The following NT5DC3 variants were observed in gnomAD, a reference collection of about 807,000 sequenced individuals.
NT5DC3 encodes the protein 5'-nucleotidase domain containing 3.
NT5DC3 carries 42 observed loss-of-function variants against 67.8 expected under a neutral mutation model. The observed-to-expected ratio is 0.62, with a 90% CI of 0.48 to 0.80. NT5DC3 has a LOEUF of 0.80. Ranked by LOEUF, NT5DC3 falls within the 30% of genes least tolerant of loss-of-function variation. NT5DC3 has a pLI of 0.00. For synonymous variants in NT5DC3, 237 were observed against 255.6 expected, an observed-to-expected ratio of 0.93 and a Z score of 0.69; for missense variants, 570 against 696.4, an observed-to-expected ratio of 0.82 and a Z score of 2.04.
intron 1 of NT5DC3, among the ~76,000 whole-genome samples, chr12:103,836,590 G>A (rs997863971): frequency 3.3e-5 from 5 of 152,244 alleles, no homozygotes; most frequent in East Asian, 1.9e-4. Context: ...ACTTTTCCCC[G>A]TTTTTGATGA....
At chr12:103,769,447 A>G (rs1885133835), downstream of NT5DC3, among the ~76,000 whole-genome samples, 2 of 151,960 alleles carry the variant, frequency 1.3e-5, no homozygotes, top group South Asian at 4.2e-4. Context: ...CCAGCGGAAA[A>G]CTCCGTCCCC....
At chr12:103,767,630 G>C (rs1885040924), downstream of NT5DC3, among the ~76,000 whole-genome samples, 1 of 152,032 alleles carries the variant, frequency 6.6e-6, no homozygotes, top group Admixed American at 6.5e-5. Context: ...AGCTGGCTTT[G>C]GGGTCTTTTA....
Position 103,785,552 on chromosome 12 carries a change from G to A in NT5DC3, c.1189-77C>T, listed in dbSNP as rs1488259235. Reference sequence around the variant, plus strand: ...TATGTCATTATTTTCCCAGACATGAGAGGCATTCATTTAATTACTTTTTGA... The same window carrying A: ...TATGTCATTATTTTCCCAGACATGAAAGGCATTCATTTAATTACTTTTTGA... On this transcript the variant is annotated intron_variant, in intron 11 of 13. Transcript: ENST00000392876. 21 of 1,431,466 alleles carry A rather than the reference G, an allele frequency of 1.5e-5. No homozygotes were observed. The Admixed American group carries it at 2.9e-4, about 20-fold the overall frequency. The allele number at this position is 1,431,466 out of a possible 1,614,324, so 88.7% of individuals were successfully genotyped here.
intron 1 of NT5DC3, among the ~76,000 whole-genome samples, chr12:103,831,098 A>C (rs947589283): frequency 6.6e-6 from 1 of 152,086 alleles, no homozygotes; most frequent in Non-Finnish European, 1.5e-5. Context: ...CTGTGTCCCC[A>C]CCCAAATCTC....
the NT5DC3 span, chr12:103,762,196 G>A: frequency 6.3e-7 from 1 of 1,578,818 alleles, no homozygotes; most frequent in Non-Finnish European, 8.6e-7. Flanking sequence ...GCTCCAGAAT[G>A]CCTCGGGCCA....
chr12:103,797,604 C>T (rs1455225973), intron 5 of NT5DC3, among the ~76,000 whole-genome samples: 1 of 152,156 alleles, frequency 6.6e-6, no homozygotes, highest in Non-Finnish European at 1.5e-5. Context: ...CACCCTTCCC[C>T]TCCCAATTTC....
chr12:103,772,210 G>GA (rs1023514958), downstream of NT5DC3: 5 of 151,844 alleles, frequency 3.3e-5, no homozygotes, highest in African/African-American at 9.7e-5. Context: ...TCAAGTCCTG[G>GA]AAAAAAATGC....
chr12:103,781,700 G>T (rs1295818351), intron 12 of NT5DC3, among the ~76,000 whole-genome samples: 1 of 152,152 alleles, frequency 6.6e-6, no homozygotes, highest in East Asian at 1.9e-4. Flanking sequence ...AGAGCCTCTG[G>T]TTCTGAAATC....
Position 103,841,126 on chromosome 12 carries a change from G to A in NT5DC3, c.31C>T (p.Arg11Cys), listed in dbSNP as rs911490427. The A allele has an allele frequency of 1.1e-6, 1 of 950,676 alleles. No homozygotes were observed. Among genetic ancestry groups the A allele is most frequent in the African/African-American group, 1.7e-5 (1 of 57,440 alleles). 58.9% of individuals were successfully genotyped at this position (950,676 alleles called of 1,614,324 possible). Residue 11 changes from arginine (R) to cysteine (C), a missense_variant, in exon 1 of 14, where the codon CGC (arginine) becomes TGC (cysteine). Physicochemically the swap from Arg to Cys is radical, Grantham distance 180 (BLOSUM62 -3). Transcript: ENST00000392876. MTMAAAAVVA[R>C]GAGARAATAA... The stretch of plus-strand genomic sequence containing the variant: ...GTCGCTGCCCTCGCCCCGGCCCCGC[G>A]TGCCACCACCGCCGCCGCTGCCATG...
At chr12:103,791,303 C>T (rs1886048841) in intron 9 of NT5DC3, among the ~76,000 whole-genome samples, 1 of 151,968 alleles carries the variant, frequency 6.6e-6, no homozygotes, top group Admixed American at 6.6e-5. Context: ...AGAGACAGGG[C>T]CCTTCTCCTG....
chr12:103,763,413 C>A, the NT5DC3 span: 1 of 1,271,758 alleles, frequency 7.9e-7, no homozygotes, highest in Non-Finnish European at 1.1e-6. Context: ...CAAAGGGTGG[C>A]TTGCTTTACC....
chr12:103,802,788 T>G (rs1013064836), intron 4 of NT5DC3, among the ~76,000 whole-genome samples: 4 of 152,154 alleles, frequency 2.6e-5, no homozygotes, highest in Non-Finnish European at 5.9e-5. Flanking sequence ...CCAAGAGTCT[T>G]GACCAATCTA....
At chr12:103,763,722 A>G in the NT5DC3 span, 1 of 1,040,678 alleles carries the variant, frequency 9.6e-7, no homozygotes, top group South Asian at 1.6e-5. Flanking sequence ...TCTAGAATGT[A>G]TGTCAGGTAA....
chr12:103,838,313 A>G (rs1345901572), intron 1 of NT5DC3, among the ~76,000 whole-genome samples: 1 of 152,182 alleles, frequency 6.6e-6, no homozygotes, highest in Non-Finnish European at 1.5e-5. Context: ...TCCCCATCCC[A>G]TGCTTCAGCT....
chr12:103,757,028 T>TATATAA, the NT5DC3 span, among the ~76,000 whole-genome samples: 1 of 143,508 alleles, frequency 7.0e-6, no homozygotes, highest in Non-Finnish European at 1.5e-5. Flanking sequence ...TATATATATA[T>TATATAA]ATAAAATATA....
At chr12:103,810,044 C>A (rs1237609224) in intron 2 of NT5DC3, among the ~76,000 whole-genome samples, 2 of 148,096 alleles carry the variant, frequency 1.4e-5, no homozygotes, top group African/African-American at 4.9e-5. Context: ...ATGCGTGTGG[C>A]AAGTCAGGGC....
intron 6 of NT5DC3, 97 bp from the exon 7 acceptor site, chr12:103,794,094 G>C (rs559406877): frequency 1.2e-5 from 11 of 900,286 alleles, no homozygotes; most frequent in Admixed American, 7.2e-5. Flanking sequence ...TCTGTCCCTA[G>C]AAAGTCTGAC....
At chr12:103,791,079 G>A (rs1886036179) in intron 9 of NT5DC3, among the ~76,000 whole-genome samples, 1 of 152,068 alleles carries the variant, frequency 6.6e-6, no homozygotes, top group African/African-American at 2.4e-5. Context: ...CTGTTAGGTT[G>A]TTTCTGACCT....
the NT5DC3 span, chr12:103,758,416 A>G: frequency 3.1e-5 from 46 of 1,472,396 alleles, no homozygotes; most frequent in Non-Finnish European, 4.0e-5. Context: ...TCATCTGCAG[A>G]TCAGTTGGCC....
Sources: allele counts gnomAD v4.1 joint callset (sites outside exome capture counted in the v4.1 genomes callset), GRCh38; gene constraint gnomAD v4.1.1; transcripts MANE v1.5; gene names NCBI Gene and HGNC (gene_info 2026-07-23, HGNC 2026-07-21).